The following NAA16 variants were observed in gnomAD, a reference collection of about 807,000 sequenced individuals.
NAA16 encodes NARG1-like protein.
Under a neutral mutation model 110.3 loss-of-function variants are expected in NAA16, and 97 were observed. The observed-to-expected ratio is 0.88, with a 90% CI of 0.75 to 1.04. The LOEUF is 1.04. Among genes scored for constraint, NAA16 ranks in the 50% least tolerant of loss-of-function variants. The pLI, the probability that NAA16 is intolerant of heterozygous loss-of-function variation, is 0.00. For synonymous variants in NAA16, 372 were observed against 330.6 expected (o/e 1.13, Z -1.36); for missense variants, 1,017 against 1,005.1 (o/e 1.01, Z -0.16).
In NAA16 at chr13:41,336,763, T is replaced by G. The variant is rs2042392262; in HGVS notation, c.1014+7T>G. 2 of 1,527,282 alleles carry G rather than the reference T, an allele frequency of 1.3e-6. No homozygotes were observed. 94.6% of individuals were successfully genotyped at this position (1,527,282 alleles called of 1,614,324 possible). A position where few individuals can be genotyped will look rare whatever the true frequency, so the allele number is the denominator to read the frequency against. ...ATATTACAATACAGAAAAGGTAAAATTTGGTATTTATTCAGATTTGCTATA... is the reference window on the plus strand; with the variant it reads ...ATATTACAATACAGAAAAGGTAAAAGTTGGTATTTATTCAGATTTGCTATA... On this transcript the variant is annotated splice_region_variant and intron_variant, in intron 9 of 19. Transcript: ENST00000379406.
At chr13:41,354,336 T>C (rs765179888) in intron 9 of NAA16, among the ~76,000 whole-genome samples, 8 of 152,172 alleles carry the variant, frequency 5.3e-5, no homozygotes, top group Non-Finnish European at 1.2e-4. Context: ...AATTATACCT[T>C]CTTATATTAA....
intron 6 of NAA16, among the ~76,000 whole-genome samples, chr13:41,326,749 G>T (rs1194416767): frequency 6.6e-6 from 1 of 152,014 alleles, no homozygotes; most frequent in Non-Finnish European, 1.5e-5. Flanking sequence ...ACAGTTTTAG[G>T]TTCACAGTAA....
chr13:41,323,631 C>T (rs995803832), intron 5 of NAA16, among the ~76,000 whole-genome samples: 2 of 151,702 alleles, frequency 1.3e-5, no homozygotes, highest in African/African-American at 4.8e-5. Flanking sequence ...GGATTACAGG[C>T]GTGAGCCACC....
intron 9 of NAA16, among the ~76,000 whole-genome samples, chr13:41,345,010 TTTAC>T (rs2139454024): frequency 6.6e-6 from 1 of 152,336 alleles, no homozygotes; most frequent in African/African-American, 2.4e-5. Context: ...TCTGGCTTCT[TTTAC>T]TTAATATTTT....
At chr13:41,314,598 TG>T (rs764895038) in intron 1 of NAA16, among the ~76,000 whole-genome samples, 4 of 152,214 alleles carry the variant, frequency 2.6e-5, no homozygotes, top group Non-Finnish European at 5.9e-5. Flanking sequence ...GGCTTAAAGA[TG>T]GTCTCATCCA....
chr13:41,347,224 AAAAC>A lies in NAA16; in HGVS notation c.1015-7916_1015-7913del, dbSNP rs1252005484. Among the ~76,000 whole-genome samples the A allele has an allele frequency of 2.2e-3, 44 of 20,082 alleles. No homozygotes were observed. The African/African-American group carries it at 0.023, about 11-fold the overall frequency. 13.2% of individuals were successfully genotyped at this position (20,082 alleles called of 152,430 possible). On this transcript the variant is annotated intron_variant, in intron 9 of 19. Coordinates refer to ENST00000379406, the MANE Select transcript of NAA16 (RefSeq NM_024561.5). ...AGCGAGACTCCGTCTCAAAAAAAAA[AAAAC>A]AAAAACAAAAACAAAAAAAGAAATC...
At chr13:41,322,514 A>G (rs1196869417) in intron 4 of NAA16, among the ~76,000 whole-genome samples, 1 of 152,200 alleles carries the variant, frequency 6.6e-6, no homozygotes, top group Non-Finnish European at 1.5e-5. Context: ...GCATTTGCCC[A>G]GGGTAACGCC....
chr13:41,322,906 T>A, intron 4 of NAA16, 150 bp from the exon 5 acceptor site: 1 of 734,838 alleles, frequency 1.4e-6, no homozygotes, highest in Non-Finnish European at 2.3e-6. Flanking sequence ...GTATTTTAGG[T>A]AGGAAACATA....
At chr13:41,367,378 T>C (rs1231413265) in intron 13 of NAA16, 61 bp from the exon 14 acceptor site, 7 of 1,223,400 alleles carry the variant, frequency 5.7e-6, no homozygotes, top group African/African-American at 1.5e-5. Context: ...ATTTTTTTTT[T>C]CTAAAGGTAG....
chr13:41,373,566 T>G, intron 17 of NAA16, 71 bp from the exon 18 acceptor site: 1 of 1,474,200 alleles, frequency 6.8e-7, no homozygotes, highest in Non-Finnish European at 8.9e-7. Flanking sequence ...CCATAAAGGG[T>G]TTTCAGTAGG....
chr13:41,312,344 C>G (rs534312474), intron 1 of NAA16, among the ~76,000 whole-genome samples: 1 of 152,118 alleles, frequency 6.6e-6, no homozygotes, highest in Non-Finnish European at 1.5e-5. Flanking sequence ...GAGCAGAAGC[C>G]TGAATAATGG....
intron 4 of NAA16, among the ~76,000 whole-genome samples, chr13:41,321,092 G>T (rs769577063): frequency 2.6e-5 from 4 of 152,180 alleles, no homozygotes; most frequent in African/African-American, 4.8e-5. Flanking sequence ...TTGAGGCTGG[G>T]AGTTAGAAAC....
At chr13:41,340,672 T>G (rs2042515901) in intron 9 of NAA16, among the ~76,000 whole-genome samples, 1 of 107,574 alleles carries the variant, frequency 9.3e-6, no homozygotes, top group African/African-American at 4.3e-5. Flanking sequence ...TTTTTTTTTT[T>G]TTTTTTTTTT....
intron 13 of NAA16, among the ~76,000 whole-genome samples, chr13:41,366,736 C>G (rs1293374284): frequency 2.0e-5 from 3 of 152,122 alleles, no homozygotes; most frequent in South Asian, 2.1e-4. Context: ...CAATAAAGTT[C>G]TGTATTTATA....
intron 1 of NAA16, among the ~76,000 whole-genome samples, chr13:41,312,757 G>C (rs746930951): frequency 6.6e-6 from 1 of 152,074 alleles, no homozygotes; most frequent in South Asian, 2.1e-4. Flanking sequence ...TTCACACTTA[G>C]TCTTCAGATT....
chr13:41,317,418 A>G (rs913339035), intron 2 of NAA16, among the ~76,000 whole-genome samples: 1 of 152,122 alleles, frequency 6.6e-6, no homozygotes, highest in African/African-American at 2.4e-5. Flanking sequence ...GTTGTTTTCT[A>G]ACACTGGTGT....
Position 41,355,200 on chromosome 13 carries a change from CT to C in NAA16, c.1077del (p.Phe359LeufsTer49). 1.3e-6 allele frequency: 2 copies of C among 1,582,546 alleles called. No individual in the cohort carries two copies. The highest frequency in any genetic ancestry group is 1.7e-6 in the Non-Finnish European group (2 of 1,162,632). ...ATGAAGCCTCTCTTAAAACGTGTGA[CT>C]TTTTTAGCCCATATGGTAAGTTTAA... ...NYEASLKTCD[F>X]FSPYENGEKE... On this transcript the variant is annotated frameshift_variant, in exon 10 of 20. Coordinates refer to ENST00000379406, the MANE Select transcript of NAA16 (RefSeq NM_024561.5). LOFTEE classifies it high-confidence loss of function.
intron 9 of NAA16, among the ~76,000 whole-genome samples, chr13:41,351,199 ATT>A (rs1469889965): frequency 6.6e-6 from 1 of 152,208 alleles, no homozygotes; most frequent in African/African-American, 2.4e-5. Flanking sequence ...GTGTGTTTTA[ATT>A]AAATAATAAA....
intron 9 of NAA16, among the ~76,000 whole-genome samples, chr13:41,345,821 G>A (rs1014898856): frequency 2.0e-5 from 3 of 152,130 alleles, no homozygotes; most frequent in Admixed American, 2.0e-4. Flanking sequence ...CAATCTGTTC[G>A]CCTCACCCTT....
Sources: gnomAD v4.1 joint callset for allele counts (sites outside exome capture counted in the v4.1 genomes callset) on GRCh38, gnomAD v4.1.1 for gene constraint, MANE v1.5 for transcripts, NCBI Gene and HGNC (gene_info 2026-07-23, HGNC 2026-07-21) for gene names.